The following ZNF575 variants were observed in gnomAD, a reference collection of about 807,000 sequenced individuals.
ZNF575 encodes the protein zinc finger protein 575.
A neutral mutation model predicts 17.5 loss-of-function variants in ZNF575; 17 were observed. The observed-to-expected ratio is 0.97, with a 90% CI of 0.66 to 1.45. The LOEUF is 1.45. ZNF575 is among the 40% of genes most tolerant of loss of function. The pLI is 0.00. For synonymous variants in ZNF575, 146 were observed against 158.3 expected, an observed-to-expected ratio of 0.92 and a Z score of 0.58; for missense variants, 352 against 359.2, an observed-to-expected ratio of 0.98 and a Z score of 0.16.
At chr19:43,531,332 C>G (rs775489323), upstream of ZNF575, among the ~76,000 whole-genome samples, 1 of 151,224 alleles carries the variant, frequency 6.6e-6, no homozygotes, top group Non-Finnish European at 1.5e-5. Context: ...CCCTGTAATC[C>G]CAGCACTTTG....
Position 43,535,420 on chromosome 19 carries a change from C to CAT in ZNF575, c.471_472insAT (p.Tyr158IlefsTer106). The CAT allele has an allele frequency of 6.7e-7, 1 of 1,501,012 alleles. No individual in the cohort carries two copies. Among genetic ancestry groups the CAT allele is most frequent in the Non-Finnish European group, 9.0e-7 (1 of 1,110,636 alleles). 93.0% of individuals were successfully genotyped at this position (1,501,012 alleles called of 1,614,324 possible). A position where few individuals can be genotyped will look rare whatever the true frequency, so the allele number is the denominator to read the frequency against. On this transcript the variant is annotated frameshift_variant, in exon 4 of 4. Coordinates refer to ENST00000314228, the MANE Select transcript of ZNF575 (RefSeq NM_174945.3). LOFTEE classifies it high-confidence loss of function. ...GCCCCGACTGCCCCAAGTCCTTCTG[C>CAT]TACCCTTCCAAGCTGGCGGCCCACC...
chr19:43,534,261 C>G (rs889586514), intron 2 of ZNF575, 76 bp from the exon 3 acceptor site: 1 of 651,636 alleles, frequency 1.5e-6, no homozygotes, highest in Admixed American at 3.0e-5. Context: ...GCTCCGCCTC[C>G]CCGCTAAGCC....
At chr19:43,532,313 G>A (rs1972355227), upstream of ZNF575, among the ~76,000 whole-genome samples, 1 of 152,170 alleles carries the variant, frequency 6.6e-6, no homozygotes, top group Non-Finnish European at 1.5e-5. Flanking sequence ...ACAGGCGTGA[G>A]CCACCGTGCC....
Position 43,535,678 on chromosome 19 carries a change from G to A in ZNF575, c.729G>A (p.Glu243=), listed in dbSNP as rs1283660464. ...ACCACCAGGTGGAGCACAAGGGGGA[G>A]AGAGACTGAGCCCTCCCTTGGCTCA... ...RSHHQVEHKG[E]RD Residue 243 remains glutamate (E), a synonymous_variant, in exon 4 of 4, where the codon GAG becomes GAA. Transcript: ENST00000314228. The A allele has an allele frequency of 6.2e-7, 1 of 1,607,012 alleles. No individual in the cohort carries two copies. The highest frequency in any genetic ancestry group is 1.3e-5 in the African/African-American group (1 of 74,764).
chr19:43,535,718 C>A lies in ZNF575; in HGVS notation c.*31C>A. ...CCCTTGGCTCACTGTCCCCTTCTGCCGCCAGCCCTAGCCAGTAAGAGGTGG... is the reference window on the plus strand; with the variant it reads ...CCCTTGGCTCACTGTCCCCTTCTGCAGCCAGCCCTAGCCAGTAAGAGGTGG... On this transcript the variant is annotated 3_prime_UTR_variant, in exon 4 of 4. Transcript: ENST00000314228. 1 of 1,556,350 alleles carries A rather than the reference C, an allele frequency of 6.4e-7. No individual in the cohort carries two copies.
In ZNF575 at chr19:43,535,692, T is replaced by G; in HGVS notation, c.*5T>G. 2 of 1,592,996 alleles carry G rather than the reference T, an allele frequency of 1.3e-6. No individual in the cohort carries two copies. Among genetic ancestry groups the G allele is most frequent in the Non-Finnish European group, 1.7e-6 (2 of 1,169,166 alleles). ...CACAAGGGGGAGAGAGACTGAGCCCTCCCTTGGCTCACTGTCCCCTTCTGC... is the reference window on the plus strand; with the variant it reads ...CACAAGGGGGAGAGAGACTGAGCCCGCCCTTGGCTCACTGTCCCCTTCTGC... On this transcript the variant is annotated 3_prime_UTR_variant, in exon 4 of 4. Transcript: ENST00000314228.
At position 43,535,430 on chromosome 19, in the gene ZNF575, A is replaced by G. The variant is rs1600032187; in HGVS notation, c.481A>G (p.Lys161Glu). ...DCPKSFCYPS[K>E]LAAHRHTHHA... The stretch of plus-strand genomic sequence containing the variant: ...CCCCAAGTCCTTCTGCTACCCTTCC[A>G]AGCTGGCGGCCCACCGCCACACGCA... Residue 161 changes from lysine to glutamate, a missense_variant, in exon 4 of 4, where the codon AAG becomes GAG. Transcript: ENST00000314228. 2 of 1,413,954 alleles carry G rather than the reference A, an allele frequency of 1.4e-6. No individual in the cohort carries two copies. The highest frequency in any genetic ancestry group is 6.8e-5 in the East Asian group (2 of 29,622). 87.6% of individuals were successfully genotyped at this position (1,413,954 alleles called of 1,614,324 possible). A position where few individuals can be genotyped will look rare whatever the true frequency, so the allele number is the denominator to read the frequency against.
chr19:43,531,366 G>A (rs902431509), upstream of ZNF575, among the ~76,000 whole-genome samples: 2 of 152,080 alleles, frequency 1.3e-5, no homozygotes, highest in African/African-American at 2.4e-5. Context: ...GGTGGATCAC[G>A]AGGTCAGGAG....
At chr19:43,535,007 C>T (rs955061850) in intron 3 of ZNF575, 22 bp from the exon 4 acceptor site, 8 of 1,414,936 alleles carry the variant, frequency 5.7e-6, no homozygotes, top group Non-Finnish European at 7.3e-6. Context: ...TCCTGGAGCC[C>T]ACCAGCCCTC....
Position 43,535,781 on chromosome 19 carries a change from G to C in ZNF575, c.*94G>C. ...CGACTGTATGAGCTCGCCTCTTCCA[G>C]ATAGCTGGCAGAGGGCAGGGCAAGG... On this transcript the variant is annotated 3_prime_UTR_variant, in exon 4 of 4. Coordinates refer to ENST00000314228, the MANE Select transcript of ZNF575 (RefSeq NM_174945.3). The C allele has an allele frequency of 7.1e-7, 1 of 1,403,672 alleles. No individual in the cohort carries two copies. The highest frequency in any genetic ancestry group is 9.5e-7 in the Non-Finnish European group (1 of 1,057,684). 87.0% of individuals were successfully genotyped at this position (1,403,672 alleles called of 1,614,324 possible).
Position 43,534,433 on chromosome 19 carries a change from G to T in ZNF575, c.11G>T (p.Arg4Leu). ...TCCTGTGCCAGCAAGATGCTGGAGC[G>T]AGGCGCGGAGTCCGCGGCCGGGGCT... MLE[R>L]GAESAAGATD... The change falls in exon 3 of 4, where the codon CGA (arginine) becomes CTA (leucine). Residue 4 changes from arginine to leucine, a missense_variant. Transcript: ENST00000314228. 1.9e-6 allele frequency: 3 copies of T among 1,555,530 alleles called. No individual in the cohort carries two copies. Among genetic ancestry groups the T allele is most frequent in the Non-Finnish European group, 2.6e-6 (3 of 1,152,168 alleles).
In ZNF575 at chr19:43,535,992, CA is replaced by C. The variant is rs2146035026; in HGVS notation, c.*308del. The C allele has an allele frequency of 2.7e-6, 1 of 365,378 alleles. No individual in the cohort carries two copies. The highest frequency in any genetic ancestry group is 5.0e-6 in the Non-Finnish European group (1 of 200,556). The allele number at this position is 365,378 out of a possible 1,614,324, so 22.6% of individuals were successfully genotyped here. The stretch of plus-strand genomic sequence containing the variant: ...ATCGTGGGTTGATGAGGATTGTGGG[CA>C]AACAGGCTCTCTTGTTAAAAGTTTA... On this transcript the variant is annotated 3_prime_UTR_variant, in exon 4 of 4. Coordinates refer to ENST00000314228, the MANE Select transcript of ZNF575 (RefSeq NM_174945.3).
At chr19:43,533,039 G>T (rs79033333), upstream of ZNF575, 7,780 of 151,522 alleles carry the variant, frequency 0.051, 264 homozygotes, top group Middle Eastern at 0.17. Flanking sequence ...GGAACTCAGC[G>T]GAATTCTCGA....
At position 43,535,480 on chromosome 19, in the gene ZNF575, T is replaced by C. The variant is rs758157160; in HGVS notation, c.531T>C (p.Tyr177=). The change falls in exon 4 of 4, where the codon TAT becomes TAC. Residue 177 remains tyrosine, a synonymous_variant. Coordinates refer to ENST00000314228, the MANE Select transcript of ZNF575 (RefSeq NM_174945.3). ...ACCACGCCACCGACGCCCGCCCCTA[T>C]CCTTGCCCGCATTGCCCCAAGGCTT... ...HTHHATDARP[Y]PCPHCPKAFS... is the part of the protein sequence containing the mutation. 1.3e-5 allele frequency: 21 copies of C among 1,596,402 alleles called. No homozygotes were observed. In the South Asian group the frequency reaches 2.2e-4, roughly 17 times the overall value.
upstream of ZNF575, chr19:43,531,941 A>AATTTTTTT: frequency 5.8e-6 from 1 of 173,044 alleles, no homozygotes. Context: ...ATTAAGCCAG[A>AATTTTTTT]CTTTTTTTTT....
At position 43,535,230 on chromosome 19, in the gene ZNF575, C is replaced by T. The variant is rs1219973766; in HGVS notation, c.281C>T (p.Pro94Leu). The part of the protein sequence containing the change: ...AHGGARPHPC[P>L]DCPKAFSYPS... ...GGAGGCGCCCGACCCCACCCATGCC[C>T]AGACTGCCCCAAGGCCTTCTCCTAC... Residue 94 changes from proline to leucine, a missense_variant, in exon 4 of 4, where the codon CCA becomes CTA. Pro to Leu is a moderately conservative substitution (Grantham distance 98). Coordinates refer to ENST00000314228, the MANE Select transcript of ZNF575 (RefSeq NM_174945.3). 4 of 1,611,594 alleles carry T rather than the reference C, an allele frequency of 2.5e-6. No individual in the cohort carries two copies. The highest frequency in any genetic ancestry group is 3.4e-6 in the Non-Finnish European group (4 of 1,179,078).
In ZNF575 at chr19:43,533,297, T is replaced by G. The variant is rs575447759; in HGVS notation, c.-419T>G. On this transcript the variant is annotated 5_prime_UTR_variant, in exon 1 of 4. Transcript: ENST00000314228. ...TCTGCCAGCCCGCACTGCGCATGCTTTCTGACGCCCCCTTTGGTCCAGCGT... is the reference window on the plus strand; with the variant it reads ...TCTGCCAGCCCGCACTGCGCATGCTGTCTGACGCCCCCTTTGGTCCAGCGT... 30 of 152,408 alleles carry G rather than the reference T, an allele frequency of 2.0e-4. No individual in the cohort carries two copies. Among genetic ancestry groups the G allele is most frequent in the African/African-American group, 7.0e-4 (29 of 41,556 alleles). 9.4% of individuals were successfully genotyped at this position (152,408 alleles called of 1,614,324 possible). A position where few individuals can be genotyped will look rare whatever the true frequency, so the allele number is the denominator to read the frequency against.
chr19:43,535,750 T>C lies in ZNF575; in HGVS notation c.*63T>C. On this transcript the variant is annotated 3_prime_UTR_variant, in exon 4 of 4. Coordinates refer to ENST00000314228, the MANE Select transcript of ZNF575 (RefSeq NM_174945.3). ...CCTAGCCAGTAAGAGGTGGGATTTC[T>C]AAGACCGACTGTATGAGCTCGCCTC... 1 of 1,491,576 alleles carries C rather than the reference T, an allele frequency of 6.7e-7. No individual in the cohort carries two copies. Among genetic ancestry groups the C allele is most frequent in the Non-Finnish European group, 9.0e-7 (1 of 1,117,004 alleles). 92.4% of individuals were successfully genotyped at this position (1,491,576 alleles called of 1,614,324 possible).
upstream of ZNF575, chr19:43,531,942 C>CTTTTTTTTTTTTTTTTTTTTTT: frequency 1.9e-5 from 2 of 106,434 alleles, no homozygotes; most frequent in Non-Finnish European, 3.4e-5. Context: ...TTAAGCCAGA[C>CTTTTTTTTTTTTTTTTTTTTTT]TTTTTTTTTT....
Sources: gnomAD v4.1 joint callset for allele counts (sites outside exome capture counted in the v4.1 genomes callset) on GRCh38, gnomAD v4.1.1 for gene constraint, MANE v1.5 for transcripts, NCBI Gene and HGNC (gene_info 2026-07-23, HGNC 2026-07-21) for gene names.